GALNT13: variants seen among roughly 807,000 people sequenced by gnomAD.
GALNT13 encodes polypeptide N-acetylgalactosaminyltransferase 13.
In GALNT13, 28 loss-of-function variants were observed where a neutral mutation model predicts 64.2. The ratio of observed to expected loss-of-function variants is 0.44; its 90% CI spans 0.32 to 0.60. The LOEUF (loss-of-function observed/expected upper bound fraction) is 0.60. Among genes scored for constraint, GALNT13 ranks in the 20% least tolerant of loss-of-function variants. GALNT13 has a pLI of 0.05. For missense variants in GALNT13, 577 were observed against 669.8 expected, an observed-to-expected ratio of 0.86 and a Z score of 1.53; for synonymous variants, 214 against 224.6, an observed-to-expected ratio of 0.95 and a Z score of 0.42.
intron 3 of GALNT13, among the ~76,000 whole-genome samples, chr2:153,976,784 C>T (rs1000461144): frequency 6.6e-6 from 1 of 151,876 alleles, no homozygotes; most frequent in African/African-American, 2.4e-5. Context: ...ATTCCCACAG[C>T]ACATTTGATA....
At chr2:153,379,076 T>C in the GALNT13 span, among the ~76,000 whole-genome samples, 2 of 152,190 alleles carry the variant, frequency 1.3e-5, no homozygotes, top group South Asian at 4.1e-4. Flanking sequence ...ATGTTCCTAG[T>C]AGTAGCCCAA....
At chr2:153,793,191 C>A in the GALNT13 span, among the ~76,000 whole-genome samples, 3 of 151,860 alleles carry the variant, frequency 2.0e-5, no homozygotes, top group Non-Finnish European at 4.4e-5. Flanking sequence ...CCAGGATGGT[C>A]TTGATTTCTT....
At chr2:153,977,394 A>G (rs1694149306) in intron 3 of GALNT13, among the ~76,000 whole-genome samples, 1 of 152,164 alleles carries the variant, frequency 6.6e-6, no homozygotes, top group Non-Finnish European at 1.5e-5. Context: ...GAAACTTTAA[A>G]GCAGAAAGGG....
chr2:153,506,041 G>A, the GALNT13 span, among the ~76,000 whole-genome samples: 26 of 152,084 alleles, frequency 1.7e-4, no homozygotes, highest in African/African-American at 3.6e-4. Context: ...TTTTAGGTGC[G>A]TATATATTTA....
At chr2:153,825,310 A>T in the GALNT13 span, among the ~76,000 whole-genome samples, 1 of 152,222 alleles carries the variant, frequency 6.6e-6, no homozygotes, top group Non-Finnish European at 1.5e-5. Flanking sequence ...AACTTAGATC[A>T]ACATAAATGC....
the GALNT13 span, among the ~76,000 whole-genome samples, chr2:153,093,226 TTTTTC>T: frequency 2.2e-5 from 3 of 135,146 alleles, no homozygotes; most frequent in South Asian, 2.4e-4. Context: ...GATCTTTCTT[TTTTTC>T]TTTTCTTTTC....
rs368549920 is a variant in GALNT13, at chr2:154,211,804, T to C, written c.312-30226T>C. ...TGGCATTTAAAGTTATGGTCCTAGATAAGATATCCCAAGAAGTGAGTATGA... is the reference window on the plus strand; with the variant it reads ...TGGCATTTAAAGTTATGGTCCTAGACAAGATATCCCAAGAAGTGAGTATGA... On this transcript the variant is annotated intron_variant, in intron 4 of 12. Coordinates refer to ENST00000392825, the MANE Select transcript of GALNT13 (RefSeq NM_052917.4). Among the ~76,000 whole-genome samples the C allele has an allele frequency of 1.2e-4, 18 of 152,056 alleles. 1 individual carries two copies. The East Asian group carries it at 1.6e-3, about 13-fold the overall frequency.
the GALNT13 span, among the ~76,000 whole-genome samples, chr2:153,502,552 G>A: frequency 1.3e-4 from 20 of 152,284 alleles, no homozygotes; most frequent in South Asian, 3.9e-3. Context: ...ATAAACTTGC[G>A]TGTGCAAGTC....
chr2:153,081,393 T>A, the GALNT13 span, among the ~76,000 whole-genome samples: 27 of 152,296 alleles, frequency 1.8e-4, no homozygotes, highest in Non-Finnish European at 2.6e-4. Context: ...TACGTTATTT[T>A]AAAATGTATA....
chr2:154,026,880 T>G (rs1032442731), intron 3 of GALNT13, among the ~76,000 whole-genome samples: 1 of 152,118 alleles, frequency 6.6e-6, no homozygotes, highest in Non-Finnish European at 1.5e-5. Flanking sequence ...TGCCTCATCA[T>G]GAGAATGGAT....
At chr2:153,177,681 TTAACA>T in the GALNT13 span, among the ~76,000 whole-genome samples, 1 of 152,170 alleles carries the variant, frequency 6.6e-6, no homozygotes, top group Admixed American at 6.5e-5. Flanking sequence ...ACCAAGCTAC[TTAACA>T]TATCTATAAC....
rs1429499951 is a variant in GALNT13, at chr2:154,313,794, G to A, written c.1156+12205G>A. 2.6e-5 allele frequency among the ~76,000 whole-genome samples: 4 copies of A among 152,120 alleles called. No homozygotes were observed. In the East Asian group the frequency reaches 5.8e-4, roughly 22 times the overall value. On this transcript the variant is annotated intron_variant, in intron 9 of 12. Transcript: ENST00000392825. ...CACAGAATAAGTACTACCTTCTAGG[G>A]TTCAGATACCATGATCATTTATATA...
the GALNT13 span, among the ~76,000 whole-genome samples, chr2:153,571,830 ATTG>A: frequency 2.0e-5 from 3 of 151,702 alleles, no homozygotes; most frequent in African/African-American, 7.3e-5. Flanking sequence ...TTTCTAATGT[ATTG>A]TTGTATTTGG....
the GALNT13 span, among the ~76,000 whole-genome samples, chr2:153,577,943 C>A: frequency 3.3e-5 from 5 of 151,268 alleles, no homozygotes; most frequent in East Asian, 5.8e-4. Context: ...TAGTCACACA[C>A]AAACACATAA....
At chr2:153,932,220 T>C (rs1352689018) in intron 2 of GALNT13, among the ~76,000 whole-genome samples, 1 of 152,004 alleles carries the variant, frequency 6.6e-6, no homozygotes, top group African/African-American at 2.4e-5. Flanking sequence ...ATCTTATTTA[T>C]TTTTTCAAAG....
At chr2:154,214,284 T>A (rs1461826908) in intron 4 of GALNT13, among the ~76,000 whole-genome samples, 1 of 152,182 alleles carries the variant, frequency 6.6e-6, no homozygotes, top group Admixed American at 6.5e-5. Context: ...TTGTATTGAA[T>A]CCAAATGGAT....
At chr2:154,047,755 C>A (rs960648886) in intron 3 of GALNT13, among the ~76,000 whole-genome samples, 14 of 152,152 alleles carry the variant, frequency 9.2e-5, no homozygotes, top group African/African-American at 3.4e-4. Flanking sequence ...TAACTTAAAG[C>A]AGATTTCTCA....
chr2:153,512,382 G>C, the GALNT13 span, among the ~76,000 whole-genome samples: 3 of 152,172 alleles, frequency 2.0e-5, no homozygotes, highest in Non-Finnish European at 4.4e-5. Context: ...ACCCGTGGAA[G>C]TAAAAACAGC....
At chr2:153,126,561 A>C in the GALNT13 span, among the ~76,000 whole-genome samples, 2 of 151,932 alleles carry the variant, frequency 1.3e-5, no homozygotes, top group African/African-American at 4.8e-5. Flanking sequence ...TTCTGACTCT[A>C]AGCCCACGTC....
Sources: gnomAD v4.1 joint callset for allele counts (sites outside exome capture counted in the v4.1 genomes callset) on GRCh38, gnomAD v4.1.1 for gene constraint, MANE v1.5 for transcripts, NCBI Gene and HGNC (gene_info 2026-07-23, HGNC 2026-07-21) for gene names.